ADGRL2: variants seen among roughly 807,000 people sequenced by gnomAD.
The protein encoded by ADGRL2 is calcium-independent alpha-latrotoxin receptor 2.
Under a neutral mutation model 157.4 loss-of-function variants are expected in ADGRL2, and 44 were observed. That is an observed-to-expected ratio of 0.28 (90% confidence interval 0.22 to 0.36). ADGRL2 has a LOEUF of 0.36. ADGRL2 is among the 10% of genes least tolerant of loss of function. The pLI, the probability that ADGRL2 is intolerant of heterozygous loss-of-function variation, is 1.00. For missense variants in ADGRL2, 1,510 were observed against 1,768.9 expected (o/e 0.85, Z 2.63); for synonymous variants, 585 against 624.7 (o/e 0.94, Z 0.95).
intron 1 of ADGRL2, among the ~76,000 whole-genome samples, chr1:81,359,514 T>C (rs187650086): frequency 1.3e-5 from 2 of 152,172 alleles, no homozygotes; most frequent in East Asian, 3.9e-4. Context: ...GGTACTTACT[T>C]GGTATTCAGT....
At chr1:81,710,416 C>T (rs888650493) in intron 1 of ADGRL2, among the ~76,000 whole-genome samples, 13 of 151,734 alleles carry the variant, frequency 8.6e-5, no homozygotes, top group Admixed American at 5.3e-4. Flanking sequence ...GCCAGGAGTT[C>T]GAGACCAGCC....
At chr1:81,722,635 G>A (rs1472525149) in intron 1 of ADGRL2, 3 of 1,401,062 alleles carry the variant, frequency 2.1e-6, no homozygotes, top group African/African-American at 2.8e-5. Context: ...ATTGGATTAC[G>A]ATGAAGATGC....
intron 2 of ADGRL2, among the ~76,000 whole-genome samples, chr1:81,462,390 A>G (rs932448460): frequency 4.6e-5 from 7 of 151,918 alleles, no homozygotes; most frequent in Admixed American, 1.3e-4. Flanking sequence ...TCTGTGCCAC[A>G]TTTAAGAGCT....
intron 1 of ADGRL2, among the ~76,000 whole-genome samples, chr1:81,730,578 C>G (rs932087856): frequency 2.0e-5 from 3 of 151,952 alleles, no homozygotes; most frequent in Non-Finnish European, 4.4e-5. Context: ...CAAAACTTAG[C>G]CGGGTGTGGT....
At chr1:81,469,054 A>G (rs536083104) in intron 2 of ADGRL2, among the ~76,000 whole-genome samples, 4 of 152,202 alleles carry the variant, frequency 2.6e-5, no homozygotes, top group African/African-American at 4.8e-5. Context: ...CTGTACTTCA[A>G]TTTCCCTCCA....
intron 2 of ADGRL2, among the ~76,000 whole-genome samples, chr1:81,772,249 CAAAA>C (rs769058340): frequency 2.1e-5 from 2 of 95,126 alleles, no homozygotes; most frequent in African/African-American, 4.2e-5. Context: ...GACTCTATCT[CAAAA>C]AAAAAAAAAA....
chr1:81,735,628 A>G (rs148283820), intron 1 of ADGRL2, among the ~76,000 whole-genome samples: 2,928 of 151,950 alleles, frequency 0.019, 41 homozygotes, highest in South Asian at 0.052. Flanking sequence ...CATCTTTACT[A>G]AAAATACAAA....
chr1:81,683,461 C>A (rs769080222), intron 3 of ADGRL2, among the ~76,000 whole-genome samples: 2 of 152,122 alleles, frequency 1.3e-5, no homozygotes, highest in African/African-American at 2.4e-5. Flanking sequence ...ACTCTTCCCC[C>A]CAAATCTCCA....
chr1:81,340,691 G>A (rs1255292518), intron 1 of ADGRL2, among the ~76,000 whole-genome samples: 1 of 151,986 alleles, frequency 6.6e-6, no homozygotes, highest in African/African-American at 2.4e-5. Flanking sequence ...GCTGATCTGT[G>A]GCACACCAGA....
chr1:81,800,855 G>C (rs923955948), upstream of ADGRL2, among the ~76,000 whole-genome samples: 1 of 150,342 alleles, frequency 6.7e-6, no homozygotes, highest in Non-Finnish European at 1.5e-5. Flanking sequence ...CTGGGGGTAG[G>C]GGGAGCGCGA....
chr1:81,789,405 T>C (rs942359464), intron 2 of ADGRL2, among the ~76,000 whole-genome samples: 24 of 152,114 alleles, frequency 1.6e-4, no homozygotes, highest in African/African-American at 5.8e-4. Flanking sequence ...CAAAATACTG[T>C]ACTAATACAT....
intron 3 of ADGRL2, among the ~76,000 whole-genome samples, chr1:81,614,242 T>C: frequency 6.6e-6 from 1 of 152,188 alleles, no homozygotes; most frequent in African/African-American, 2.4e-5. Context: ...CTTAACCCTC[T>C]CCATATAATC....
At chr1:81,349,352 C>T (rs2100821143) in intron 1 of ADGRL2, among the ~76,000 whole-genome samples, 1 of 152,176 alleles carries the variant, frequency 6.6e-6, no homozygotes, top group African/African-American at 2.4e-5. Flanking sequence ...CAAGCTGATC[C>T]TTCTATTCAT....
At chr1:81,579,789 T>C (rs1226682516) in intron 2 of ADGRL2, among the ~76,000 whole-genome samples, 1 of 152,108 alleles carries the variant, frequency 6.6e-6, no homozygotes, top group Admixed American at 6.6e-5. Context: ...TGAGATGCAA[T>C]TTAAGATCTT....
chr1:81,675,680 C>G (rs911048627), intron 3 of ADGRL2, among the ~76,000 whole-genome samples: 2 of 151,740 alleles, frequency 1.3e-5, no homozygotes, highest in Non-Finnish European at 2.9e-5. Context: ...CTCCCCAGCT[C>G]AAGGGATTCT....
intron 1 of ADGRL2, chr1:81,721,715 G>C (rs545071167): frequency 8.6e-6 from 12 of 1,388,886 alleles, no homozygotes; most frequent in Admixed American, 8.4e-5. Flanking sequence ...CAAAGTGAAC[G>C]AGCAGGCCCT....
intron 3 of ADGRL2, among the ~76,000 whole-genome samples, chr1:81,583,510 A>G (rs1050001051): frequency 2.0e-5 from 3 of 152,132 alleles, no homozygotes; most frequent in Admixed American, 2.0e-4. Flanking sequence ...AAAAACCTCT[A>G]TAGAAAGCAA....
chr1:81,603,240 A>G (rs1216863745), intron 3 of ADGRL2, among the ~76,000 whole-genome samples: 1 of 152,176 alleles, frequency 6.6e-6, no homozygotes, highest in East Asian at 1.9e-4. Context: ...CCCAAACCCG[A>G]GAAATCTCAG....
intron 2 of ADGRL2, among the ~76,000 whole-genome samples, chr1:81,464,142 A>G (rs1433762586): frequency 6.6e-6 from 1 of 152,220 alleles, no homozygotes; most frequent in Non-Finnish European, 1.5e-5. Flanking sequence ...AACTCCCGTC[A>G]AATACAAATG....
Sources: gnomAD v4.1 joint callset for allele counts (sites outside exome capture counted in the v4.1 genomes callset) on GRCh38, gnomAD v4.1.1 for gene constraint, MANE v1.5 for transcripts, NCBI Gene and HGNC (gene_info 2026-07-23, HGNC 2026-07-21) for gene names.